The following ELL variants were observed in gnomAD, a reference collection of about 807,000 sequenced individuals.
The protein encoded by ELL is RNA polymerase II elongation factor ELL.
Under a neutral mutation model 64.0 loss-of-function variants are expected in ELL, and 18 were observed. The observed-to-expected ratio is 0.28, with a 90% CI of 0.19 to 0.42. The LOEUF (loss-of-function observed/expected upper bound fraction) is 0.42, where lower values mean the gene tolerates loss of function less well. Among genes scored for constraint, ELL ranks in the 10% least tolerant of loss-of-function variants. The probability of loss-of-function intolerance (pLI) is 1.00; values close to 1 mark genes in which losing one functional copy is unlikely to be tolerated. For missense variants in ELL, 797 were observed against 870.4 expected, an observed-to-expected ratio of 0.92 and a Z score of 1.06; for synonymous variants, 399 against 376.2, an observed-to-expected ratio of 1.06 and a Z score of -0.70.
intron 1 of ELL, among the ~76,000 whole-genome samples, chr19:18,493,186 G>C (rs1975568361): frequency 1.3e-5 from 2 of 152,130 alleles, no homozygotes; most frequent in African/African-American, 4.8e-5. Context: ...ACAAGTCCAG[G>C]GATTTGTCTG....
rs776422133 is a variant in ELL, at chr19:18,444,803, G to A, written c.1815C>T (p.Ile605=). 8.1e-6 allele frequency: 13 copies of A among 1,611,162 alleles called. No homozygotes were observed. Among genetic ancestry groups the A allele is most frequent in the South Asian group, 1.1e-5 (1 of 91,084 alleles). ...CEYLHSKLAH[I]KRLIAEYDQR... Reference sequence around the variant, plus strand: ...GGTCGTACTCGGCGATGAGCCTCTTGATGTGGGCCAGCTTGCTGTGCAGGT... The same window carrying A: ...GGTCGTACTCGGCGATGAGCCTCTTAATGTGGGCCAGCTTGCTGTGCAGGT... The change falls in exon 12 of 12, where the codon ATC becomes ATT. Residue 605 remains isoleucine, a synonymous_variant. Coordinates refer to ENST00000262809, the MANE Select transcript of ELL (RefSeq NM_006532.4).
At chr19:18,472,598 G>T in intron 2 of ELL, 1 of 527,898 alleles carries the variant, frequency 1.9e-6, no homozygotes, top group Non-Finnish European at 3.3e-6. Flanking sequence ...TGCATGAAGG[G>T]AGCCACTGGG....
rs577924744 is a variant in ELL at position 18,502,957 on chromosome 19, G to A, written c.135+18964C>T. 3.2e-3 allele frequency among the ~76,000 whole-genome samples: 485 copies of A among 152,336 alleles called. 5 individuals are homozygous for A. The highest frequency in any genetic ancestry group is 3.4e-3 in the Non-Finnish European group (229 of 68,028). ...GGCCAGCGCTCCAGGCAGGCAGCTC[G>A]GCACTTCCAGTGGCTGCACACCCAC... is the stretch of plus-strand genomic sequence containing the variant. On this transcript the variant is annotated intron_variant, in intron 1 of 11. Transcript: ENST00000262809.
At chr19:18,451,169 A>C (rs1447629183) in intron 7 of ELL, among the ~76,000 whole-genome samples, 194 bp from the exon 8 acceptor site, 1 of 152,138 alleles carries the variant, frequency 6.6e-6, no homozygotes, top group Admixed American at 6.5e-5. Flanking sequence ...GCCTGCTGGG[A>C]TCGATGCAGG....
chr19:18,513,447 CAT>C (rs1171008431), intron 1 of ELL, among the ~76,000 whole-genome samples: 1 of 152,194 alleles, frequency 6.6e-6, no homozygotes, highest in Non-Finnish European at 1.5e-5. Context: ...GACGCAAAAC[CAT>C]ATGATTGTGC....
At position 18,461,789 on chromosome 19, in the gene ELL, C is replaced by T. The variant is rs753183117; in HGVS notation, c.533G>A (p.Arg178Gln). The change falls in exon 5 of 12, where the codon CGG becomes CAG. Residue 178 changes from arginine (R) to glutamine (Q), a missense_variant. Physicochemically the swap from Arg to Gln is conservative, Grantham distance 43. Coordinates refer to ENST00000262809, the MANE Select transcript of ELL (RefSeq NM_006532.4). ...GATDAVPSRK[R>Q]ATPINLASAI... Reference sequence around the variant, plus strand: ...ACTCGCCAAGTTGATGGGGGTTGCCCGCTTCCGGGAGGGCACCGCGTCTGT... The same window carrying T: ...ACTCGCCAAGTTGATGGGGGTTGCCTGCTTCCGGGAGGGCACCGCGTCTGT... The T allele has an allele frequency of 2.6e-5, 42 of 1,614,110 alleles. No individual in the cohort carries two copies. Among genetic ancestry groups the T allele is most frequent in the Non-Finnish European group, 3.4e-5 (40 of 1,180,028 alleles).
At chr19:18,471,202 G>A (rs1372944761) in intron 2 of ELL, among the ~76,000 whole-genome samples, 2 of 151,846 alleles carry the variant, frequency 1.3e-5, no homozygotes, top group South Asian at 2.1e-4. Context: ...ATGAGACTCC[G>A]TCTTTACAAA....
At chr19:18,493,071 A>G (rs755232351) in intron 1 of ELL, among the ~76,000 whole-genome samples, 7 of 152,092 alleles carry the variant, frequency 4.6e-5, no homozygotes, top group African/African-American at 7.2e-5. Flanking sequence ...AACAGTGACA[A>G]GCAGAGGGAA....
Position 18,449,822 on chromosome 19 carries a change from C to T in ELL, c.1465+655G>A, listed in dbSNP as rs146178569. On this transcript the variant is annotated intron_variant, in intron 8 of 11. Transcript: ENST00000262809. This position sits in a 1 kb window ranked among gnomAD's most constrained non-coding sequence, Gnocchi z 4.4. ...GCTGGTTCCTATAAATGAACAGCTGCGCAGGCTCATGGCCACGGTGCTAGG... is the reference window on the plus strand; with the variant it reads ...GCTGGTTCCTATAAATGAACAGCTGTGCAGGCTCATGGCCACGGTGCTAGG... Among the ~76,000 whole-genome samples, 966 of 152,318 alleles carry T rather than the reference C, an allele frequency of 6.3e-3. 13 individuals carry two copies. The highest frequency in any genetic ancestry group is 0.022 in the African/African-American group (914 of 41,554).
At chr19:18,469,493 T>C (rs1975016823) in intron 2 of ELL, among the ~76,000 whole-genome samples, 1 of 152,200 alleles carries the variant, frequency 6.6e-6, no homozygotes, top group Non-Finnish European at 1.5e-5. Context: ...AATGGGGTCT[T>C]GGTTGCTCCT....
At chr19:18,456,961 G>GAA (rs34664859) in intron 6 of ELL, among the ~76,000 whole-genome samples, 48 of 137,768 alleles carry the variant, frequency 3.5e-4, no homozygotes, top group African/African-American at 5.0e-4. Context: ...TGCTAAATAG[G>GAA]AAAAAAAAAA....
intron 1 of ELL, among the ~76,000 whole-genome samples, chr19:18,490,085 G>A (rs2144952902): frequency 6.6e-6 from 1 of 152,364 alleles, no homozygotes; most frequent in South Asian, 2.1e-4. Context: ...TCTGAGAGCA[G>A]AGAACCCTGC....
intron 5 of ELL, among the ~76,000 whole-genome samples, chr19:18,461,172 G>A (rs933166902): frequency 3.3e-5 from 5 of 152,206 alleles, no homozygotes; most frequent in African/African-American, 1.2e-4. Context: ...GAGGGCGGCA[G>A]GCAGCTGATT....
At chr19:18,462,334 G>GGGGT (rs765676443) in intron 4 of ELL, among the ~76,000 whole-genome samples, 7 of 90,516 alleles carry the variant, frequency 7.7e-5, no homozygotes, top group African/African-American at 4.2e-4. Flanking sequence ...ACTCTAGTGG[G>GGGGT]CTGTGTGTGT....
At chr19:18,447,847 C>T (rs571382722) in intron 8 of ELL, among the ~76,000 whole-genome samples, 154 of 150,970 alleles carry the variant, frequency 1.0e-3, no homozygotes, top group Non-Finnish European at 1.9e-3. Flanking sequence ...TGCAATGGTG[C>T]GATCATGGCT....
intron 1 of ELL, among the ~76,000 whole-genome samples, chr19:18,486,360 C>T (rs185896164): frequency 1.1e-4 from 17 of 152,306 alleles, no homozygotes; most frequent in African/African-American, 3.8e-4. Flanking sequence ...ACAGACCCAC[C>T]CAAGATGTAC....
chr19:18,482,763 T>TGTTGTTG (rs1975329570), intron 1 of ELL, among the ~76,000 whole-genome samples: 14 of 149,600 alleles, frequency 9.4e-5, no homozygotes, highest in African/African-American at 3.3e-4. Context: ...CTTTTTGGTT[T>TGTTGTTG]TTGTTGTTGT....
chr19:18,452,122 A>G (rs1280986811), intron 6 of ELL, among the ~76,000 whole-genome samples: 8 of 152,150 alleles, frequency 5.3e-5, no homozygotes, highest in African/African-American at 1.9e-4. Flanking sequence ...GCTGGGGAAG[A>G]AGGGAAGAAA....
intron 2 of ELL, 190 bp downstream of exon 2, chr19:18,472,645 G>A (rs1021579641): frequency 1.1e-5 from 7 of 640,262 alleles, no homozygotes; most frequent in African/African-American, 3.7e-5. Context: ...AGCCTGTGAC[G>A]TGCACCCGAC....
Sources: gnomAD v4.1 joint callset for allele counts (sites outside exome capture counted in the v4.1 genomes callset) on GRCh38, gnomAD v4.1.1 for gene constraint, Gnocchi (gnomAD v3.1) non-coding constraint, MANE v1.5 for transcripts, NCBI Gene and HGNC (gene_info 2026-07-23, HGNC 2026-07-21) for gene names.